Variants in ZSCAN25 observed in about 807,000 individuals in gnomAD.
ZSCAN25 encodes zinc finger and SCAN domain containing 25.
Under a neutral mutation model 38.7 loss-of-function variants are expected in ZSCAN25, and 27 were observed. That is an observed-to-expected ratio of 0.70 (90% CI 0.51 to 0.96). The LOEUF is 0.96. Ranked by LOEUF, ZSCAN25 falls within the 40% of genes least tolerant of loss-of-function variation. ZSCAN25 has a pLI of 0.00. For synonymous variants in ZSCAN25, 273 were observed against 277.7 expected, an observed-to-expected ratio of 0.98 and a Z score of 0.17; for missense variants, 637 against 705.9, an observed-to-expected ratio of 0.90 and a Z score of 1.11.
At chr7:99,697,829 G>C in the ZSCAN25 span, among the ~76,000 whole-genome samples, 1 of 152,182 alleles carries the variant, frequency 6.6e-6, no homozygotes, top group African/African-American at 2.4e-5. Flanking sequence ...ACTGAAACCA[G>C]GGTGGCCTTG....
chr7:99,622,988 A>G (rs1407377303), intron 6 of ZSCAN25, among the ~76,000 whole-genome samples: 1 of 152,128 alleles, frequency 6.6e-6, no homozygotes, highest in Non-Finnish European at 1.5e-5. Context: ...TTGTATTTTT[A>G]GTAGAGACGG....
the ZSCAN25 span, chr7:99,674,565 T>A: frequency 6.2e-7 from 1 of 1,613,742 alleles, no homozygotes; most frequent in South Asian, 1.1e-5. Context: ...TATAGCACTC[T>A]GTGTCAAATT....
the ZSCAN25 span, among the ~76,000 whole-genome samples, chr7:99,703,626 C>A: frequency 6.6e-6 from 1 of 152,142 alleles, no homozygotes; most frequent in Non-Finnish European, 1.5e-5. Flanking sequence ...AGGATTCATG[C>A]TAGTTTTCTC....
At chr7:99,689,496 A>G in the ZSCAN25 span, among the ~76,000 whole-genome samples, 1 of 152,220 alleles carries the variant, frequency 6.6e-6, no homozygotes, top group East Asian at 1.9e-4. Context: ...ATAGACCAAT[A>G]ACAGGCTCTG....
chr7:99,676,401 A>G, the ZSCAN25 span: 1 of 1,509,326 alleles, frequency 6.6e-7, no homozygotes, highest in Non-Finnish European at 8.9e-7. Flanking sequence ...ACCCCTGAAA[A>G]GTCTCAATGA....
In ZSCAN25 at chr7:99,629,831, C is replaced by T. The variant is rs367645804; in HGVS notation, c.1446C>T (p.Gly482=). ...CGGTGCACCGGCGTGCCCACACTGG[C>T]GAGAAGCCATATGGGTGCCAGGTGT... ...NLAVHRRAHT[G]EKPYGCQVCG... is the part of the protein sequence containing the mutation. Residue 482 remains glycine, a synonymous_variant, in exon 8 of 8, where the codon GGC becomes GGT. Coordinates refer to ENST00000394152, the MANE Select transcript of ZSCAN25 (RefSeq NM_145115.3). The surrounding 1 kb of genome is among the most constrained non-coding windows in gnomAD (Gnocchi z 5.6). The T allele has an allele frequency of 9.3e-6, 15 of 1,614,012 alleles. No homozygotes were observed. The highest frequency in any genetic ancestry group is 1.3e-5 in the African/African-American group (1 of 74,928).
downstream of ZSCAN25, among the ~76,000 whole-genome samples, chr7:99,634,413 G>A (rs1808184607): frequency 6.6e-6 from 1 of 152,184 alleles, no homozygotes; most frequent in African/African-American, 2.4e-5. Flanking sequence ...CAGCTCTTTG[G>A]GAGGCCGAGG....
the ZSCAN25 span, chr7:99,647,518 G>T: frequency 1.0e-6 from 1 of 985,436 alleles, no homozygotes; most frequent in Non-Finnish European, 1.2e-6. Context: ...AATGCAAGAC[G>T]TATAAGAAAA....
Position 99,620,167 on chromosome 7 carries a change from A to G in ZSCAN25, c.387+174A>G, listed in dbSNP as rs558699824. The G allele has an allele frequency of 5.3e-6, 5 of 935,964 alleles. No individual in the cohort carries two copies. In the East Asian group the frequency reaches 8.0e-5, roughly 15 times the overall value. The allele number at this position is 935,964 out of a possible 1,614,324, so 58.0% of individuals were successfully genotyped here. ...AGTGGCGTTTTCAGCAAGAAAGGCC[A>G]TTCCCAGGGGAGATGCTGCCATGCA... is the stretch of plus-strand genomic sequence containing the variant. On this transcript the variant is annotated intron_variant, in intron 4 of 7. Transcript: ENST00000394152.
the ZSCAN25 span, among the ~76,000 whole-genome samples, chr7:99,639,314 C>T: frequency 1.3e-5 from 2 of 152,204 alleles, no homozygotes; most frequent in Admixed American, 6.5e-5. Flanking sequence ...TTAAAGTCTC[C>T]ACCTAGTTCC....
chr7:99,698,470 A>G, the ZSCAN25 span, among the ~76,000 whole-genome samples: 2 of 152,160 alleles, frequency 1.3e-5, no homozygotes, highest in Non-Finnish European at 2.9e-5. Flanking sequence ...TGCCTTTGCT[A>G]TCATCACTAG....
chr7:99,633,630 A>G (rs776498954), downstream of ZSCAN25, among the ~76,000 whole-genome samples: 1 of 152,110 alleles, frequency 6.6e-6, no homozygotes, highest in South Asian at 2.1e-4. Context: ...CAGTGGTGCA[A>G]TTGTAGTTCA....
chr7:99,695,743 CA>C, the ZSCAN25 span: 23 of 1,612,714 alleles, frequency 1.4e-5, no homozygotes, highest in Non-Finnish European at 2.0e-5. Context: ...CAAAAACACT[CA>C]CCTGATGGTA....
chr7:99,651,533 C>T, the ZSCAN25 span, among the ~76,000 whole-genome samples: 3 of 152,130 alleles, frequency 2.0e-5, no homozygotes, highest in Non-Finnish European at 4.4e-5. Flanking sequence ...ACTTGGTCAG[C>T]TCTGACTTAC....
the ZSCAN25 span, among the ~76,000 whole-genome samples, chr7:99,661,303 T>C: frequency 6.6e-6 from 1 of 152,140 alleles, no homozygotes; most frequent in Non-Finnish European, 1.5e-5. Flanking sequence ...AATCCAAACT[T>C]GCAGGAGATA....
At chr7:99,679,823 C>T in the ZSCAN25 span, 7 of 1,602,714 alleles carry the variant, frequency 4.4e-6, no homozygotes, top group African/African-American at 2.7e-5. Flanking sequence ...GACAGTTACT[C>T]ACAGATAGAG....
chr7:99,643,893 A>G, the ZSCAN25 span, among the ~76,000 whole-genome samples: 2 of 151,672 alleles, frequency 1.3e-5, no homozygotes, highest in African/African-American at 4.8e-5. Context: ...GTTCAGGGCC[A>G]GGCAAAAAGG....
At chr7:99,705,338 C>G in the ZSCAN25 span, 1 of 780,374 alleles carries the variant, frequency 1.3e-6, no homozygotes, top group Non-Finnish European at 2.1e-6. Context: ...TCTATACAGA[C>G]CATGAGAGAG....
chr7:99,714,708 A>T, the ZSCAN25 span: 25 of 1,606,908 alleles, frequency 1.6e-5, no homozygotes, highest in Non-Finnish European at 2.1e-5. Flanking sequence ...ACCAACAGAA[A>T]ACGAAACCAT....
Sources: allele counts gnomAD v4.1 joint callset (sites outside exome capture counted in the v4.1 genomes callset), GRCh38; gene constraint gnomAD v4.1.1; non-coding constraint Gnocchi (gnomAD v3.1); transcripts MANE v1.5; gene names NCBI Gene and HGNC (gene_info 2026-07-23, HGNC 2026-07-21).